Variants in FNDC3B observed in about 807,000 individuals in gnomAD.
FNDC3B encodes fibronectin type III domain containing 3B.
FNDC3B carries 12 observed loss-of-function variants against 151.5 expected under a neutral mutation model. The ratio of observed to expected loss-of-function variants is 0.08; its 90% CI spans 0.05 to 0.13. FNDC3B has a LOEUF of 0.13. FNDC3B is among the 10% of genes least tolerant of loss of function. The pLI, the probability that FNDC3B is intolerant of heterozygous loss-of-function variation, is 1.00. For synonymous variants in FNDC3B, 528 were observed against 549.0 expected (o/e 0.96, Z 0.54); for missense variants, 1,214 against 1,505.3 (o/e 0.81, Z 3.20).
chr3:172,070,339 A>C (rs954048575), intron 1 of FNDC3B, among the ~76,000 whole-genome samples: 13 of 152,200 alleles, frequency 8.5e-5, no homozygotes, highest in African/African-American at 3.1e-4. Flanking sequence ...TCTTGGACTC[A>C]AGAATTATGA....
intron 9 of FNDC3B, among the ~76,000 whole-genome samples, chr3:172,303,304 C>T (rs369163207): frequency 7.2e-5 from 11 of 152,022 alleles, no homozygotes; most frequent in Non-Finnish European, 1.6e-4. Context: ...TCTAGTCATC[C>T]GCCTAAACAA....
intron 25 of FNDC3B, among the ~76,000 whole-genome samples, chr3:172,396,445 TTTTAGAATGTTAAC>T (rs1436322501): frequency 6.6e-6 from 1 of 152,184 alleles, no homozygotes; most frequent in Non-Finnish European, 1.5e-5. Flanking sequence ...ATTGTTTCCA[TTTTAGAATGTTAAC>T]TTTGTTCTTG....
At chr3:172,349,424 A>G (rs541572908) in intron 21 of FNDC3B, among the ~76,000 whole-genome samples, 1 of 152,238 alleles carries the variant, frequency 6.6e-6, no homozygotes, top group Non-Finnish European at 1.5e-5. Context: ...TTCATAGGGC[A>G]TGTTGTATAT....
At position 172,113,875 on chromosome 3, in the gene FNDC3B, C is replaced by G. The variant is rs548148815; in HGVS notation, c.111+1285C>G. 2.0e-5 allele frequency among the ~76,000 whole-genome samples: 3 copies of G among 152,298 alleles called. No individual in the cohort carries two copies. The South Asian group carries it at 6.2e-4, about 32-fold the overall frequency. ...CTGTGTTCTCATCTTCCTCTTCAGT[C>G]TTTAGCATGTTCTGTTGGCTTTATC... On this transcript the variant is annotated intron_variant, in intron 2 of 25. Transcript: ENST00000415807.
chr3:172,044,588 T>G (rs1231079177), intron 1 of FNDC3B, among the ~76,000 whole-genome samples: 1 of 152,190 alleles, frequency 6.6e-6, no homozygotes, highest in Non-Finnish European at 1.5e-5. Flanking sequence ...AGGTAAGGCG[T>G]CAGTTACTGA....
intron 23 of FNDC3B, among the ~76,000 whole-genome samples, chr3:172,375,280 C>T (rs1265912255): frequency 6.6e-6 from 1 of 152,192 alleles, no homozygotes; most frequent in African/African-American, 2.4e-5. Flanking sequence ...ATTGCTCAGC[C>T]CTTCTGACCT....
At chr3:172,112,648 A>G in intron 2 of FNDC3B, 58 bp downstream of exon 2, 1 of 1,134,204 alleles carries the variant, frequency 8.8e-7, no homozygotes, top group Non-Finnish European at 1.3e-6. Flanking sequence ...ACAGTAACAC[A>G]GTATTTGATT....
intron 11 of FNDC3B, among the ~76,000 whole-genome samples, chr3:172,323,198 T>A (rs1361947209): frequency 6.6e-6 from 1 of 152,158 alleles, no homozygotes; most frequent in Non-Finnish European, 1.5e-5. Context: ...ATATTTTATA[T>A]TTATAATTTA....
chr3:172,344,508 A>G (rs755415526), intron 19 of FNDC3B, among the ~76,000 whole-genome samples: 2 of 152,236 alleles, frequency 1.3e-5, no homozygotes, highest in Non-Finnish European at 2.9e-5. Context: ...AAGGTTAATA[A>G]GGATATCACC....
intron 6 of FNDC3B, among the ~76,000 whole-genome samples, chr3:172,257,563 C>G: frequency 8.1e-6 from 1 of 123,046 alleles, no homozygotes; most frequent in East Asian, 2.2e-4. Context: ...ACATCACACG[C>G]ATTCATACAC....
intron 1 of FNDC3B, among the ~76,000 whole-genome samples, chr3:172,042,427 C>T (rs1716132575): frequency 1.3e-5 from 2 of 152,138 alleles, no homozygotes; most frequent in South Asian, 2.1e-4. Context: ...AGTAGAAGAA[C>T]TTACCACACT....
chr3:172,128,504 G>A (rs1720912509), intron 2 of FNDC3B, among the ~76,000 whole-genome samples: 1 of 151,918 alleles, frequency 6.6e-6, no homozygotes, highest in South Asian at 2.1e-4. Flanking sequence ...GGTGTGTGTG[G>A]ATGAACAGTT....
At chr3:172,046,142 A>C (rs943099843) in intron 1 of FNDC3B, among the ~76,000 whole-genome samples, 3 of 152,324 alleles carry the variant, frequency 2.0e-5, no homozygotes, top group African/African-American at 7.2e-5. Context: ...ATCGATAGAC[A>C]GTCGTGATCA....
At chr3:172,258,699 TTGTC>T (rs1728494753) in intron 6 of FNDC3B, among the ~76,000 whole-genome samples, 1 of 152,218 alleles carries the variant, frequency 6.6e-6, no homozygotes, top group Non-Finnish European at 1.5e-5. Flanking sequence ...GTGGTTTCCT[TTGTC>T]TGGAATGACG....
intron 1 of FNDC3B, among the ~76,000 whole-genome samples, chr3:172,097,344 A>T (rs751384327): frequency 2.0e-4 from 30 of 152,216 alleles, no homozygotes; most frequent in Non-Finnish European, 4.0e-4. Context: ...TTAACCACAG[A>T]TGTTCTTCCA....
chr3:172,356,053 T>G (rs1360025405), intron 22 of FNDC3B, among the ~76,000 whole-genome samples: 12 of 152,216 alleles, frequency 7.9e-5, no homozygotes, highest in Non-Finnish European at 1.8e-4. Flanking sequence ...TTTGCTCATT[T>G]GTACTCCTTT....
intron 3 of FNDC3B, among the ~76,000 whole-genome samples, chr3:172,197,807 T>A (rs1409484009): frequency 1.3e-5 from 2 of 152,222 alleles, no homozygotes; most frequent in Non-Finnish European, 2.9e-5. Flanking sequence ...TTGCATTCTT[T>A]CAGGTGGTCA....
intron 6 of FNDC3B, among the ~76,000 whole-genome samples, chr3:172,271,359 G>T (rs570277268): frequency 1.1e-4 from 16 of 152,048 alleles, no homozygotes; most frequent in Non-Finnish European, 2.1e-4. Context: ...TTAAACTATT[G>T]ATTTCCTACA....
chr3:172,258,844 G>A (rs1338278385), intron 6 of FNDC3B, among the ~76,000 whole-genome samples: 1 of 152,184 alleles, frequency 6.6e-6, no homozygotes, highest in African/African-American at 2.4e-5. Context: ...AGGATATTTA[G>A]TAGGGCTTTT....
Sources: allele counts gnomAD v4.1 joint callset (sites outside exome capture counted in the v4.1 genomes callset), GRCh38; gene constraint gnomAD v4.1.1; transcripts MANE v1.5; gene names NCBI Gene and HGNC (gene_info 2026-07-23, HGNC 2026-07-21).